The following C16orf96 variants were observed in gnomAD, a reference collection of about 807,000 sequenced individuals.
C16orf96 encodes the protein uncharacterized protein C16orf96.
In C16orf96, 108 loss-of-function variants were observed where a neutral mutation model predicts 103.6. The ratio of observed to expected loss-of-function variants is 1.04; its 90% CI spans 0.89 to 1.22. The LOEUF (loss-of-function observed/expected upper bound fraction) is 1.22, where lower values mean the gene tolerates loss of function less well. C16orf96 is among the 50% of genes most tolerant of loss of function. C16orf96 has a pLI of 0.00. For missense variants in C16orf96, 1,586 were observed against 1,464.2 expected (o/e 1.08, Z -1.36); for synonymous variants, 566 against 593.5 (o/e 0.95, Z 0.67).
In C16orf96 at chr16:4,578,751, C is replaced by T. The variant is rs148649097; in HGVS notation, c.2156-189C>T. Reference sequence around the variant, plus strand: ...CCAGCCTGGTGACAGAGCGAGATTCCATCTCAAAAAATAAATTAATTAAAA... The same window carrying T: ...CCAGCCTGGTGACAGAGCGAGATTCTATCTCAAAAAATAAATTAATTAAAA... On this transcript the variant is annotated intron_variant, in intron 5 of 15. Transcript: ENST00000444310. Among the ~76,000 whole-genome samples the T allele has an allele frequency of 2.7e-3, 403 of 151,960 alleles. 3 individuals are homozygous for T. The highest frequency in any genetic ancestry group is 4.4e-3 in the Non-Finnish European group (301 of 67,966).
intron 7 of C16orf96, among the ~76,000 whole-genome samples, 185 bp downstream of exon 7, chr16:4,580,310 A>ACCCCCCCCCCCCCCCCCC (rs150403662): frequency 9.6e-6 from 1 of 104,588 alleles, no homozygotes; most frequent in Non-Finnish European, 2.0e-5. Flanking sequence ...GAATCCCACC[A>ACCCCCCCCCCCCCCCCCC]CCCCCCCCCA....
chr16:4,559,316 G>A (rs2059302649), intron 1 of C16orf96, among the ~76,000 whole-genome samples: 1 of 152,190 alleles, frequency 6.6e-6, no homozygotes, highest in Non-Finnish European at 1.5e-5. Context: ...GCCGAGGCAG[G>A]TGGGTCACTT....
intron 1 of C16orf96, chr16:4,563,254 T>C (rs893273610): frequency 4.6e-6 from 2 of 439,532 alleles, no homozygotes; most frequent in Non-Finnish European, 8.8e-6. Context: ...ACTGACTCGT[T>C]TGTTTTTATT....
At chr16:4,583,092 G>T (rs1207435941) in intron 7 of C16orf96, among the ~76,000 whole-genome samples, 1 of 152,090 alleles carries the variant, frequency 6.6e-6, no homozygotes, top group East Asian at 1.9e-4. Context: ...AAAAAAATCA[G>T]CTGGGCGTGG....
intron 11 of C16orf96, among the ~76,000 whole-genome samples, chr16:4,593,000 A>C (rs1339349010): frequency 6.6e-6 from 1 of 152,166 alleles, no homozygotes; most frequent in Non-Finnish European, 1.5e-5. Flanking sequence ...GAAATAGAAC[A>C]ATTGTTTTTT....
chr16:4,578,114 C>A (rs2141726612), intron 5 of C16orf96, among the ~76,000 whole-genome samples: 1 of 152,192 alleles, frequency 6.6e-6, no homozygotes, highest in East Asian at 1.9e-4. Flanking sequence ...TGTCTCCATA[C>A]AAACAAAATT....
intron 14 of C16orf96, among the ~76,000 whole-genome samples, chr16:4,596,484 C>CA (rs35069884): frequency 0.76 from 90,298 of 118,496 alleles, 34,273 homozygotes; most frequent in East Asian, 0.86. Context: ...GACTTCGTCT[C>CA]AAAAAAAAAA....
At chr16:4,571,497 T>G in intron 1 of C16orf96, 64 bp from the exon 2 acceptor site, 2 of 1,387,930 alleles carry the variant, frequency 1.4e-6, no homozygotes, top group Non-Finnish European at 2.0e-6. Flanking sequence ...AGAAAGCTTC[T>G]GCACTTCACT....
intron 5 of C16orf96, 96 bp downstream of exon 5, chr16:4,576,731 CA>C (rs1193583609): frequency 8.5e-7 from 1 of 1,182,792 alleles, no homozygotes; most frequent in Non-Finnish European, 1.2e-6. Flanking sequence ...GCTCCACCAA[CA>C]AAATCTGCAT....
chr16:4,568,256 A>G (rs1259327682), intron 1 of C16orf96, among the ~76,000 whole-genome samples: 1 of 152,152 alleles, frequency 6.6e-6, no homozygotes, highest in African/African-American at 2.4e-5. Flanking sequence ...TGTATTTTGC[A>G]TAATTTCAGT....
chr16:4,587,651 A>G (rs1896960735), intron 8 of C16orf96, among the ~76,000 whole-genome samples: 1 of 151,010 alleles, frequency 6.6e-6, no homozygotes, highest in Non-Finnish European at 1.5e-5. Flanking sequence ...ATCACACATC[A>G]GCTGTGCACA....
chr16:4,591,309 CAT>C (rs902749372), intron 9 of C16orf96, among the ~76,000 whole-genome samples: 7 of 152,176 alleles, frequency 4.6e-5, no homozygotes, highest in African/African-American at 1.2e-4. Flanking sequence ...CGTCAATAAA[CAT>C]GTGTTGAGTG....
the C16orf96 span, among the ~76,000 whole-genome samples, chr16:4,541,873 G>A: frequency 6.6e-6 from 1 of 152,148 alleles, no homozygotes; most frequent in Non-Finnish European, 1.5e-5. Flanking sequence ...GTTATTGATT[G>A]GTTGACAAAA....
chr16:4,584,939 G>T (rs1003972406), intron 7 of C16orf96, among the ~76,000 whole-genome samples: 1 of 152,238 alleles, frequency 6.6e-6, no homozygotes, highest in African/African-American at 2.4e-5. Flanking sequence ...CCAAAGTGCT[G>T]GGATTACAGG....
intron 6 of C16orf96, 39 bp downstream of exon 6, chr16:4,579,064 G>T: frequency 6.6e-7 from 1 of 1,526,480 alleles, no homozygotes; most frequent in Non-Finnish European, 8.9e-7. Context: ...GGCAGTGATG[G>T]CTTGAGGTGA....
At chr16:4,556,330 A>G (rs1431713823), upstream of C16orf96, among the ~76,000 whole-genome samples, 1 of 151,986 alleles carries the variant, frequency 6.6e-6, no homozygotes, top group East Asian at 1.9e-4. Flanking sequence ...CTCTGATCTG[A>G]GCTCCAGCCA....
At chr16:4,567,725 A>C (rs2059397272) in intron 1 of C16orf96, among the ~76,000 whole-genome samples, 1 of 86,168 alleles carries the variant, frequency 1.2e-5, no homozygotes. Flanking sequence ...TTTGAGATGA[A>C]GTCTTCCTCT....
chr16:4,599,240 G>A, intron 14 of C16orf96, 44 bp from the exon 15 acceptor site: 1 of 1,512,180 alleles, frequency 6.6e-7, no homozygotes, highest in Admixed American at 2.0e-5. Flanking sequence ...CACAGGCCCA[G>A]GGGTGGATGC....
At position 4,575,281 on chromosome 16, in the gene C16orf96, C is replaced by T. The variant is rs572401766; in HGVS notation, c.801C>T (p.Val267=). 6.4e-7 allele frequency: 1 copy of T among 1,550,768 alleles called. No homozygotes were observed. The highest frequency in any genetic ancestry group is 1.4e-5 in the African/African-American group (1 of 73,172). The change falls in exon 5 of 16, where the codon GTC becomes GTT. Residue 267 remains valine (V), a synonymous_variant. Transcript: ENST00000444310. ...TTGAAGCTACTCGTGCCATCCAGGT[C>T]TCCGAGCCCGTCCAAAACCCCCAGC... The part of the protein sequence containing the change: ...KYLEATRAIQ[V]SEPVQNPQLL...
Sources: allele counts gnomAD v4.1 joint callset (sites outside exome capture counted in the v4.1 genomes callset), GRCh38; gene constraint gnomAD v4.1.1; transcripts MANE v1.5; gene names NCBI Gene and HGNC (gene_info 2026-07-23, HGNC 2026-07-21).